Variants in ACVR1 observed in about 807,000 individuals in gnomAD.
The protein encoded by ACVR1 is activin receptor type-1.
In ACVR1, 38 loss-of-function variants were observed where a neutral mutation model predicts 57.1. The observed-to-expected ratio is 0.67, with a 90% CI of 0.51 to 0.87. The LOEUF is 0.87. Among genes scored for constraint, ACVR1 ranks in the 40% least tolerant of loss-of-function variants. The pLI is 0.00. For synonymous variants in ACVR1, 212 were observed against 228.1 expected (o/e 0.93, Z 0.63); for missense variants, 463 against 638.2 (o/e 0.73, Z 2.96).
chr2:157,860,155 T>C (rs1481148491), intron 1 of ACVR1: 1 of 151,884 alleles, frequency 6.6e-6, no homozygotes, highest in Non-Finnish European at 1.5e-5. Flanking sequence ...GAAACAGGAA[T>C]TGAAGGAAAG....
intron 1 of ACVR1, among the ~76,000 whole-genome samples, chr2:157,854,513 G>A (rs1459639823): frequency 1.3e-5 from 2 of 152,106 alleles, no homozygotes; most frequent in African/African-American, 4.8e-5. Flanking sequence ...ACGAGGTCAG[G>A]AGATCAAGAT....
At chr2:157,846,739 T>G (rs947521336) in intron 1 of ACVR1, among the ~76,000 whole-genome samples, 2 of 152,194 alleles carry the variant, frequency 1.3e-5, no homozygotes, top group African/African-American at 4.8e-5. Flanking sequence ...ATGCAAAAAA[T>G]TATTGAGCTG....
chr2:157,835,309 C>T (rs923235792), intron 1 of ACVR1, among the ~76,000 whole-genome samples: 4 of 152,080 alleles, frequency 2.6e-5, no homozygotes, highest in African/African-American at 9.7e-5. Context: ...TGCCTCATTC[C>T]CTTCATCTGA....
chr2:157,868,279 T>C lies in ACVR1; in HGVS notation c.-183+7517A>G, dbSNP rs537399763. 1.4e-4 allele frequency among the ~76,000 whole-genome samples: 21 copies of C among 151,818 alleles called. No individual in the cohort carries two copies. In the South Asian group the frequency reaches 4.4e-3, roughly 32 times the overall value. On this transcript the variant is annotated intron_variant, in intron 1 of 10. Coordinates refer to ENST00000434821, the MANE Select transcript of ACVR1 (RefSeq NM_001111067.4). Reference sequence around the variant, plus strand: ...GTGGGTGAATCACGAGGTCAGGACTTCAAGACCAGCCTGGCCAACATGGTG... The same window carrying C: ...GTGGGTGAATCACGAGGTCAGGACTCCAAGACCAGCCTGGCCAACATGGTG...
At chr2:157,839,450 G>A (rs544397097) in intron 1 of ACVR1, among the ~76,000 whole-genome samples, 1 of 152,298 alleles carries the variant, frequency 6.6e-6, no homozygotes. Context: ...CCAAAATGAA[G>A]CCTGTCCTCC....
intron 3 of ACVR1, among the ~76,000 whole-genome samples, chr2:157,783,459 G>C (rs1414639780): frequency 6.6e-6 from 1 of 152,170 alleles, no homozygotes; most frequent in Non-Finnish European, 1.5e-5. Flanking sequence ...CTTTAATCCT[G>C]CAGGGTCACA....
At chr2:157,737,795 A>T (rs1684592917) in intron 10 of ACVR1, 130 bp from the exon 11 acceptor site, 7 of 1,224,130 alleles carry the variant, frequency 5.7e-6, no homozygotes, top group Non-Finnish European at 8.4e-6. Flanking sequence ...TGTTACTGTC[A>T]TCTTCTTCAA....
chr2:157,846,406 T>C (rs1299986264), intron 1 of ACVR1, among the ~76,000 whole-genome samples: 3 of 152,214 alleles, frequency 2.0e-5, no homozygotes, highest in Non-Finnish European at 4.4e-5. Context: ...TTGCTTCTCC[T>C]GAATTCTTCA....
intron 6 of ACVR1, 76 bp downstream of exon 6, chr2:157,774,012 C>T: frequency 3.8e-6 from 5 of 1,314,588 alleles, no homozygotes; most frequent in Non-Finnish European, 4.4e-6. Context: ...AGCAGATTTT[C>T]CAAGTTCCAT....
intron 3 of ACVR1, among the ~76,000 whole-genome samples, chr2:157,792,492 T>A (rs1249286024): frequency 6.6e-6 from 1 of 152,120 alleles, no homozygotes; most frequent in Non-Finnish European, 1.5e-5. Flanking sequence ...AAATAAAAGG[T>A]TCTAGACCAG....
At chr2:157,785,969 C>A (rs943982449) in intron 3 of ACVR1, among the ~76,000 whole-genome samples, 2 of 152,146 alleles carry the variant, frequency 1.3e-5, no homozygotes, top group African/African-American at 2.4e-5. Flanking sequence ...GCATGCTCTT[C>A]AGTTTCCTCT....
chr2:157,864,297 G>A (rs1458307232), intron 1 of ACVR1, among the ~76,000 whole-genome samples: 4 of 151,650 alleles, frequency 2.6e-5, no homozygotes, highest in East Asian at 1.9e-4. Context: ...CTGCAGCCAT[G>A]ACCTCCCTGT....
chr2:157,818,994 C>T (rs1408767304), intron 1 of ACVR1, among the ~76,000 whole-genome samples: 7 of 132,090 alleles, frequency 5.3e-5, no homozygotes, highest in African/African-American at 1.1e-4. Context: ...AGGAGAATGG[C>T]GTGAACCCGG....
At chr2:157,792,892 C>T (rs1686973218) in intron 3 of ACVR1, among the ~76,000 whole-genome samples, 1 of 152,176 alleles carries the variant, frequency 6.6e-6, no homozygotes, top group African/African-American at 2.4e-5. Flanking sequence ...CTGTGTCTTA[C>T]ACTATCTTGG....
chr2:157,778,370 A>G (rs765285691), intron 4 of ACVR1, 28 bp from the exon 5 acceptor site: 49 of 1,572,178 alleles, frequency 3.1e-5, no homozygotes, highest in Non-Finnish European at 4.1e-5. Flanking sequence ...AGGGGGAATT[A>G]GTTGTAAGGA....
chr2:157,800,387 G>A (rs773278110), intron 2 of ACVR1, among the ~76,000 whole-genome samples: 4 of 152,048 alleles, frequency 2.6e-5, no homozygotes, highest in Admixed American at 2.0e-4. Flanking sequence ...CAGTACTTTC[G>A]GAGGCCGAGG....
At chr2:157,832,743 T>A (rs1258067304) in intron 1 of ACVR1, among the ~76,000 whole-genome samples, 1 of 152,232 alleles carries the variant, frequency 6.6e-6, no homozygotes, top group Admixed American at 6.5e-5. Flanking sequence ...AGATTAATTC[T>A]ATAACATAAA....
intron 9 of ACVR1, among the ~76,000 whole-genome samples, chr2:157,741,264 C>T (rs577388054): frequency 6.6e-6 from 1 of 152,218 alleles, no homozygotes; most frequent in African/African-American, 2.4e-5. Context: ...TCTACTTTCA[C>T]TTGTGAGATC....
intron 1 of ACVR1, among the ~76,000 whole-genome samples, chr2:157,841,448 G>A (rs979311473): frequency 3.9e-5 from 6 of 152,188 alleles, no homozygotes; most frequent in Admixed American, 3.3e-4. Context: ...CACTAAGACT[G>A]CTTAGACATG....
Sources: gnomAD v4.1 joint callset for allele counts (sites outside exome capture counted in the v4.1 genomes callset) on GRCh38, gnomAD v4.1.1 for gene constraint, MANE v1.5 for transcripts, NCBI Gene and HGNC (gene_info 2026-07-23, HGNC 2026-07-21) for gene names.